Variants in GPC3 observed in about 807,000 individuals in gnomAD.
GPC3 encodes the protein glypican-3.
In GPC3, 3 loss-of-function variants were observed where a neutral mutation model predicts 34.4. The ratio of observed to expected loss-of-function variants is 0.09; its 90% CI spans 0.04 to 0.23. GPC3 has a LOEUF of 0.23. Among genes scored for constraint, GPC3 ranks in the 10% least tolerant of loss-of-function variants. The probability of loss-of-function intolerance (pLI) is 1.00; values close to 1 mark genes in which losing one functional copy is unlikely to be tolerated. For synonymous variants in GPC3, 177 were observed against 174.0 expected (o/e 1.02, Z -0.13); for missense variants, 351 against 445.6 (o/e 0.79, Z 1.91).
chrX:133,882,221 A>G (rs1353293533), intron 2 of GPC3, among the ~76,000 whole-genome samples: 1 of 111,606 alleles, frequency 9.0e-6, no homozygotes, highest in Non-Finnish European at 1.9e-5. Context: ...CAACCTAGTG[A>G]CCTGCTTCCT....
intron 3 of GPC3, among the ~76,000 whole-genome samples, chrX:133,734,395 T>C (rs74935786): frequency 9.0e-6 from 1 of 111,064 alleles, no homozygotes; most frequent in East Asian, 2.8e-4. Context: ...CTTCCTCAAC[T>C]TGAAAAAGAG....
chrX:133,810,374 G>A (rs1212714285), intron 2 of GPC3, among the ~76,000 whole-genome samples: 4 of 112,052 alleles, frequency 3.6e-5, no homozygotes, highest in African/African-American at 1.3e-4. Flanking sequence ...CTAAATTACA[G>A]AAAAGTGGGG....
intron 3 of GPC3, among the ~76,000 whole-genome samples, chrX:133,725,223 G>A (rs2071397564): frequency 8.9e-6 from 1 of 111,963 alleles, no homozygotes; most frequent in African/African-American, 3.2e-5. Context: ...AAGGAAAGGT[G>A]CTTTTGGCAA....
intron 7 of GPC3, among the ~76,000 whole-genome samples, chrX:133,542,923 A>G (rs2069354131): frequency 9.0e-6 from 1 of 111,694 alleles, no homozygotes; most frequent in African/African-American, 3.3e-5. Context: ...TGCCACCTCA[A>G]TACCTCCTCT....
chrX:133,797,584 T>C (rs371932889), intron 2 of GPC3, among the ~76,000 whole-genome samples: 17 of 111,399 alleles, frequency 1.5e-4, no homozygotes, highest in African/African-American at 4.6e-4. Context: ...ATACCAGCAA[T>C]TTTGGAGGCC....
chrX:133,713,057 CA>C (rs1482060114), intron 3 of GPC3, among the ~76,000 whole-genome samples: 2 of 111,548 alleles, frequency 1.8e-5, no homozygotes, highest in African/African-American at 6.5e-5. Context: ...GTCTCTTCTG[CA>C]GAATGTGTTT....
chrX:133,762,733 C>A, intron 2 of GPC3: 4 of 390,655 alleles, frequency 1.0e-5, no homozygotes, highest in Non-Finnish European at 1.8e-5. Context: ...CCGCCCTGCC[C>A]ACAGAGGGGT....
At chrX:133,618,213 T>C (rs1267325227) in intron 6 of GPC3, among the ~76,000 whole-genome samples, 2 of 111,947 alleles carry the variant, frequency 1.8e-5, no homozygotes, top group Non-Finnish European at 3.8e-5. Context: ...TTGTGTAAAG[T>C]TGTTTCTTAC....
chrX:133,604,112 G>T (rs918396857), intron 6 of GPC3, among the ~76,000 whole-genome samples: 3 of 111,256 alleles, frequency 2.7e-5, no homozygotes, highest in Non-Finnish European at 3.8e-5. Context: ...AGGGAAGACT[G>T]CCATCCCCAT....
chrX:133,984,058 C>T (rs1412085467), intron 1 of GPC3, among the ~76,000 whole-genome samples: 1 of 112,985 alleles, frequency 8.9e-6, no homozygotes, highest in African/African-American at 3.2e-5. Flanking sequence ...CTGGCAGCGC[C>T]CACGGGGTGC....
chrX:133,730,477 T>A (rs766611954), intron 3 of GPC3, among the ~76,000 whole-genome samples: 1 of 112,164 alleles, frequency 8.9e-6, no homozygotes, highest in African/African-American at 3.2e-5. Context: ...GAGGTTCTCC[T>A]AGTCTCAACT....
chrX:133,551,282 G>C (rs898055874), intron 7 of GPC3, among the ~76,000 whole-genome samples: 1 of 111,391 alleles, frequency 9.0e-6, no homozygotes, highest in African/African-American at 3.3e-5. Context: ...GGCTGTAATA[G>C]TACAAAGCAG....
chrX:133,656,863 G>A (rs140939723), intron 6 of GPC3, among the ~76,000 whole-genome samples: 272 of 111,296 alleles, frequency 2.4e-3, no homozygotes, highest in African/African-American at 8.6e-3. Flanking sequence ...CTGGGAACAG[G>A]GTGTTTTAAA....
chrX:133,785,002 C>A (rs1355951458), intron 2 of GPC3, among the ~76,000 whole-genome samples: 1 of 111,505 alleles, frequency 9.0e-6, no homozygotes, highest in African/African-American at 3.3e-5. Flanking sequence ...GTGTTTTTTA[C>A]CCCCTGCAGG....
intron 2 of GPC3, among the ~76,000 whole-genome samples, chrX:133,856,545 T>C (rs1370553910): frequency 9.0e-6 from 1 of 111,608 alleles, no homozygotes; most frequent in Admixed American, 9.5e-5. Flanking sequence ...TATTTTTGAA[T>C]TTTCCACATT....
intron 6 of GPC3, among the ~76,000 whole-genome samples, chrX:133,603,252 G>A (rs966891617): frequency 9.1e-6 from 1 of 109,425 alleles, no homozygotes; most frequent in Admixed American, 9.8e-5. Context: ...TTTTTGAGCC[G>A]GGGTCTCACT....
At chrX:133,685,225 G>GA (rs1019626737) in intron 5 of GPC3, among the ~76,000 whole-genome samples, 14 of 111,350 alleles carry the variant, frequency 1.3e-4, no homozygotes, top group Non-Finnish European at 1.7e-4. Flanking sequence ...GATCATAGGG[G>GA]AAAAAAGAAG....
rs749132220 is a variant in GPC3, at chrX:133,586,574, C to T, written c.1573+9866G>A. The stretch of plus-strand genomic sequence containing the variant: ...TTCCCAACTCGTTGTCCACCCATGC[C>T]CTTACCGCCCCACTAGCACCAAAGA... On this transcript the variant is annotated intron_variant, in intron 7 of 7. Coordinates refer to ENST00000370818, the MANE Select transcript of GPC3 (RefSeq NM_004484.4). 9.9e-5 allele frequency among the ~76,000 whole-genome samples: 11 copies of T among 111,635 alleles called. No individual in the cohort carries two copies. In the South Asian group the frequency reaches 4.1e-3, roughly 42 times the overall value.
intron 7 of GPC3, among the ~76,000 whole-genome samples, chrX:133,550,118 A>C (rs2069422408): frequency 9.2e-6 from 1 of 109,150 alleles, no homozygotes; most frequent in Non-Finnish European, 1.9e-5. Context: ...CGGGTTCAAG[A>C]GATTCTCCTG....
Sources: allele counts gnomAD v4.1 joint callset (sites outside exome capture counted in the v4.1 genomes callset), GRCh38; gene constraint gnomAD v4.1.1; transcripts MANE v1.5; gene names NCBI Gene and HGNC (gene_info 2026-07-23, HGNC 2026-07-21).